Variants in NBAS observed in about 807,000 individuals in gnomAD.
The protein encoded by NBAS is NAG/BC035112 fusion.
NBAS carries 219 observed loss-of-function variants against 302.5 expected under a neutral mutation model. That is an observed-to-expected ratio of 0.72 (90% confidence interval 0.65 to 0.81). NBAS has a LOEUF of 0.81. Among genes scored for constraint, NBAS ranks in the 30% least tolerant of loss-of-function variants. The pLI is 0.00. For missense variants in NBAS, 2,932 were observed against 2,841.6 expected (o/e 1.03, Z -0.72); for synonymous variants, 1,118 against 1,021.6 (o/e 1.09, Z -1.80).
At chr2:15,106,674 T>C in the NBAS span, among the ~76,000 whole-genome samples, 1 of 152,080 alleles carries the variant, frequency 6.6e-6, no homozygotes, top group Non-Finnish European at 1.5e-5. Context: ...CTTTCTTTTT[T>C]TCAGCCTGCC....
chr2:15,362,039 A>G (rs1673956075), intron 32 of NBAS, among the ~76,000 whole-genome samples: 1 of 152,040 alleles, frequency 6.6e-6, no homozygotes, highest in South Asian at 2.1e-4. Context: ...TTGATTTTCT[A>G]AGCTATAATA....
chr2:15,059,383 T>C, the NBAS span, among the ~76,000 whole-genome samples: 1 of 152,184 alleles, frequency 6.6e-6, no homozygotes, highest in South Asian at 2.1e-4. Context: ...TTTTAGATAA[T>C]GAATTATAAG....
the NBAS span, among the ~76,000 whole-genome samples, chr2:15,011,434 A>C: frequency 6.6e-6 from 1 of 152,142 alleles, no homozygotes; most frequent in South Asian, 2.1e-4. Context: ...ATGGCCCCCC[A>C]GACCAGGTGA....
the NBAS span, among the ~76,000 whole-genome samples, chr2:15,021,180 C>T: frequency 6.6e-6 from 1 of 152,028 alleles, no homozygotes; most frequent in South Asian, 2.1e-4. Flanking sequence ...TTGCAGTGAG[C>T]CGAGTTCTTG....
intron 44 of NBAS, among the ~76,000 whole-genome samples, chr2:15,241,925 CTT>C (rs1035444451): frequency 1.3e-5 from 2 of 152,316 alleles, no homozygotes; most frequent in South Asian, 4.1e-4. Context: ...CACACTGACT[CTT>C]TGTCATTACC....
intron 32 of NBAS, among the ~76,000 whole-genome samples, chr2:15,358,938 T>C (rs1381448652): frequency 6.6e-6 from 1 of 152,194 alleles, no homozygotes; most frequent in Non-Finnish European, 1.5e-5. Flanking sequence ...GTGAAAACAT[T>C]TGAGCTACAG....
At chr2:14,803,239 T>C in the NBAS span, among the ~76,000 whole-genome samples, 9 of 152,198 alleles carry the variant, frequency 5.9e-5, no homozygotes, top group African/African-American at 2.2e-4. Flanking sequence ...TTCCTGGCCC[T>C]GTGTGACTCC....
chr2:15,243,368 C>A (rs1236801683), intron 44 of NBAS, among the ~76,000 whole-genome samples: 1 of 151,984 alleles, frequency 6.6e-6, no homozygotes, highest in African/African-American at 2.4e-5. Context: ...AACATGGGGC[C>A]CAGATGGTGC....
the NBAS span, among the ~76,000 whole-genome samples, chr2:14,918,751 G>A: frequency 0.36 from 53,949 of 151,618 alleles, 9,752 homozygotes; most frequent in African/African-American, 0.44. Flanking sequence ...CACCATGGCT[G>A]CAGTGGGAAA....
At chr2:15,169,629 C>T (rs891984519) in intron 51 of NBAS, among the ~76,000 whole-genome samples, 8 of 152,166 alleles carry the variant, frequency 5.3e-5, no homozygotes, top group East Asian at 1.9e-4. Flanking sequence ...CCTAGAAGCC[C>T]GTGTCTCGGC....
the NBAS span, among the ~76,000 whole-genome samples, chr2:14,866,471 C>T: frequency 6.6e-6 from 1 of 152,128 alleles, no homozygotes; most frequent in East Asian, 1.9e-4. Flanking sequence ...AGAGCAAAAA[C>T]CATAATATTA....
At chr2:15,397,511 G>A (rs1675923906) in intron 26 of NBAS, 3 of 593,700 alleles carry the variant, frequency 5.1e-6, no homozygotes, top group East Asian at 4.4e-5. Flanking sequence ...GTCCTTGCAG[G>A]CTTCATGATA....
At chr2:15,444,366 T>C (rs1678610271) in intron 21 of NBAS, among the ~76,000 whole-genome samples, 1 of 152,212 alleles carries the variant, frequency 6.6e-6, no homozygotes, top group South Asian at 2.1e-4. Flanking sequence ...TACAACTATC[T>C]GATCTTTGAT....
the NBAS span, among the ~76,000 whole-genome samples, chr2:14,874,597 G>A: frequency 6.3e-4 from 94 of 148,186 alleles, no homozygotes; most frequent in African/African-American, 2.3e-3. Flanking sequence ...CCAAGATGGC[G>A]CCACTGCACT....
At chr2:15,328,088 G>T in intron 37 of NBAS, 111 bp downstream of exon 37, 1 of 1,221,200 alleles carries the variant, frequency 8.2e-7, no homozygotes, top group South Asian at 1.3e-5. Context: ...TGAATAACAT[G>T]AGTAAGAACC....
the NBAS span, among the ~76,000 whole-genome samples, chr2:14,961,862 T>G: frequency 6.6e-6 from 1 of 152,242 alleles, no homozygotes; most frequent in South Asian, 2.1e-4. Context: ...CACTGCAACC[T>G]CCACCTCTCA....
At chr2:15,421,990 G>A (rs1206130176) in intron 23 of NBAS, among the ~76,000 whole-genome samples, 2 of 152,032 alleles carry the variant, frequency 1.3e-5, no homozygotes, top group South Asian at 4.1e-4. Flanking sequence ...CAAAGTCCAC[G>A]GTTTACATTC....
At chr2:14,802,499 G>A in the NBAS span, among the ~76,000 whole-genome samples, 3 of 151,800 alleles carry the variant, frequency 2.0e-5, no homozygotes, top group Non-Finnish European at 4.4e-5. Context: ...TTGACTTGGC[G>A]ATGCAGGCTC....
chr2:14,961,135 A>C, the NBAS span, among the ~76,000 whole-genome samples: 17 of 152,244 alleles, frequency 1.1e-4, no homozygotes, highest in Admixed American at 8.5e-4. Flanking sequence ...GCTGCCCCCT[A>C]GTTTCCATGA....
Sources: allele counts gnomAD v4.1 joint callset (sites outside exome capture counted in the v4.1 genomes callset), GRCh38; gene constraint gnomAD v4.1.1; transcripts MANE v1.5; gene names NCBI Gene and HGNC (gene_info 2026-07-23, HGNC 2026-07-21).